The following LPAR1 variants were observed in gnomAD, a reference collection of about 807,000 sequenced individuals.
LPAR1 encodes LPA receptor 1.
A neutral mutation model predicts 23.8 loss-of-function variants in LPAR1; 5 were observed. That is an observed-to-expected ratio of 0.21 (90% CI 0.11 to 0.44). The LOEUF (loss-of-function observed/expected upper bound fraction) is 0.44, where lower values mean the gene tolerates loss of function less well. Ranked by LOEUF, LPAR1 falls within the 20% of genes least tolerant of loss-of-function variation. The probability of loss-of-function intolerance (pLI) is 0.99; values close to 1 mark genes in which losing one functional copy is unlikely to be tolerated. For synonymous variants in LPAR1, 160 were observed against 164.7 expected (o/e 0.97, Z 0.22); for missense variants, 311 against 482.8 (o/e 0.64, Z 3.33).
At chr9:110,943,900 C>A (rs2095277437) in intron 4 of LPAR1, among the ~76,000 whole-genome samples, 1 of 151,382 alleles carries the variant, frequency 6.6e-6, no homozygotes, top group Middle Eastern at 3.5e-3. Context: ...GTTGATCAAG[C>A]TGTTTCCCCA....
At chr9:110,893,738 T>A (rs904858959) in intron 5 of LPAR1, among the ~76,000 whole-genome samples, 15 of 152,148 alleles carry the variant, frequency 9.9e-5, no homozygotes, top group African/African-American at 3.1e-4. Context: ...ACAAACGTGG[T>A]CTCAATTCCT....
intron 5 of LPAR1, among the ~76,000 whole-genome samples, chr9:110,930,719 C>T (rs531313642): frequency 3.4e-4 from 52 of 151,916 alleles, no homozygotes; most frequent in South Asian, 3.1e-3. Flanking sequence ...AGTTCTAGAC[C>T]AGCCTGACCA....
At chr9:111,010,063 C>A (rs1290768499) in intron 2 of LPAR1, among the ~76,000 whole-genome samples, 1 of 125,840 alleles carries the variant, frequency 7.9e-6, no homozygotes, top group African/African-American at 2.9e-5. Context: ...ATAGATAGGT[C>A]AGTTGGCCAT....
rs1417804283 is a variant in LPAR1, at chr9:110,900,593, C to A, written c.794-24871G>T. On this transcript the variant is annotated intron_variant, in intron 5 of 5. Transcript: ENST00000683809. ...ACACATAAATTCATCTAAGGAAGAA[C>A]CAAGTTTTTCTACTTTTAATGTTAC... Among the ~76,000 whole-genome samples the A allele has an allele frequency of 2.6e-5, 4 of 152,238 alleles. No homozygotes were observed. In the East Asian group the frequency reaches 5.8e-4, roughly 22 times the overall value.
At chr9:110,915,986 A>G (rs1475788222) in intron 5 of LPAR1, among the ~76,000 whole-genome samples, 5 of 147,270 alleles carry the variant, frequency 3.4e-5, no homozygotes, top group African/African-American at 1.2e-4. Flanking sequence ...ACAAACAGGT[A>G]AGTATACAGT....
chr9:110,898,346 T>C (rs1175963047), intron 5 of LPAR1, among the ~76,000 whole-genome samples: 1 of 152,238 alleles, frequency 6.6e-6, no homozygotes, highest in Non-Finnish European at 1.5e-5. Context: ...TTTATTCATC[T>C]ACATATGAAG....
At chr9:110,930,253 A>G (rs570849229) in intron 5 of LPAR1, among the ~76,000 whole-genome samples, 1 of 152,146 alleles carries the variant, frequency 6.6e-6, no homozygotes, top group Non-Finnish European at 1.5e-5. Context: ...GTGGTGGCTC[A>G]CGCCTGTAAT....
intron 2 of LPAR1, among the ~76,000 whole-genome samples, chr9:111,000,035 C>T (rs1423066269): frequency 4.6e-5 from 7 of 152,108 alleles, no homozygotes; most frequent in African/African-American, 1.4e-4. Flanking sequence ...TATAAGGCCC[C>T]TAATCTCATT....
chr9:110,875,542 A>G lies in LPAR1; in HGVS notation c.974T>C (p.Ile325Thr). The G allele has an allele frequency of 6.2e-7, 1 of 1,614,144 alleles. No individual in the cohort carries two copies. The highest frequency in any genetic ancestry group is 8.5e-7 in the Non-Finnish European group (1 of 1,180,018). ...GTTCTCACTGCGCTGGCAGCAGAGG[A>G]TCTGCCTAAAGGTGGCGCTCATTTC... ...DKEMSATFRQ[I>T]LCCQRSENPT... The change falls in exon 6 of 6, where the codon ATC becomes ACC. Residue 325 changes from isoleucine to threonine, a missense_variant. Physicochemically the swap from Ile to Thr is moderately conservative, Grantham distance 89. Transcript: ENST00000683809.
At chr9:111,032,433 G>A (rs983658945) in intron 2 of LPAR1, among the ~76,000 whole-genome samples, 7 of 152,146 alleles carry the variant, frequency 4.6e-5, no homozygotes, top group Admixed American at 6.5e-5. Flanking sequence ...TTAATCGTGT[G>A]TAAGCTCCTC....
At chr9:110,995,372 G>A (rs1381856191) in intron 2 of LPAR1, among the ~76,000 whole-genome samples, 1 of 152,146 alleles carries the variant, frequency 6.6e-6, no homozygotes, top group East Asian at 1.9e-4. Context: ...AAGTTTTGAG[G>A]TGGGGAGGGG....
intron 2 of LPAR1, among the ~76,000 whole-genome samples, chr9:111,012,229 C>G (rs946942446): frequency 3.3e-5 from 5 of 152,046 alleles, no homozygotes; most frequent in South Asian, 4.1e-4. Flanking sequence ...CCAGCCTGGA[C>G]AATAGAGCAA....
intron 5 of LPAR1, among the ~76,000 whole-genome samples, chr9:110,898,285 G>C (rs1325141819): frequency 6.6e-6 from 1 of 152,254 alleles, no homozygotes; most frequent in East Asian, 1.9e-4. Flanking sequence ...TTTCCCAGTA[G>C]CTTTGGAATT....
At chr9:110,915,915 A>G (rs560297014) in intron 5 of LPAR1, among the ~76,000 whole-genome samples, 1 of 152,322 alleles carries the variant, frequency 6.6e-6, no homozygotes, top group East Asian at 1.9e-4. Context: ...ACTTCTGTCA[A>G]TATAAGTTAT....
chr9:110,927,387 T>C (rs565033229), intron 5 of LPAR1, among the ~76,000 whole-genome samples: 33 of 152,178 alleles, frequency 2.2e-4, no homozygotes, highest in Non-Finnish European at 4.4e-4. Context: ...ATTTGGCAGA[T>C]GAAGGGGCTG....
chr9:110,959,250 A>C lies in LPAR1; in HGVS notation c.45+12823T>G, dbSNP rs139709049. On this transcript the variant is annotated intron_variant, in intron 4 of 5. Coordinates refer to ENST00000683809, the MANE Select transcript of LPAR1 (RefSeq NM_001351411.2). ...CTACTGGCTATTTATCAGAAAAGAG[A>C]AAAAAGAAAGAAAGACAGAGAAGGT... is the stretch of plus-strand genomic sequence containing the variant. Among the ~76,000 whole-genome samples the C allele has an allele frequency of 5.9e-4, 89 of 151,748 alleles. No homozygotes were observed. In the South Asian group the frequency reaches 0.013, roughly 22 times the overall value.
At chr9:110,970,277 G>C (rs1401798887) in intron 4 of LPAR1, among the ~76,000 whole-genome samples, 1 of 152,146 alleles carries the variant, frequency 6.6e-6, no homozygotes, top group Non-Finnish European at 1.5e-5. Flanking sequence ...AAAGGACTAA[G>C]AAGAGTCATT....
intron 4 of LPAR1, among the ~76,000 whole-genome samples, chr9:110,951,200 T>A (rs2095558675): frequency 6.6e-6 from 1 of 151,998 alleles, no homozygotes; most frequent in Non-Finnish European, 1.5e-5. Context: ...AAAATACACA[T>A]ATAATAAAAT....
At chr9:110,987,836 AG>A (rs1302545815) in intron 2 of LPAR1, among the ~76,000 whole-genome samples, 1 of 152,088 alleles carries the variant, frequency 6.6e-6, no homozygotes, top group Non-Finnish European at 1.5e-5. Flanking sequence ...CAAAGCAAAA[AG>A]GGAGAGTGAA....
Sources: allele counts gnomAD v4.1 joint callset (sites outside exome capture counted in the v4.1 genomes callset), GRCh38; gene constraint gnomAD v4.1.1; transcripts MANE v1.5; gene names NCBI Gene and HGNC (gene_info 2026-07-23, HGNC 2026-07-21).